The following MLLT1 variants were observed in gnomAD, a reference collection of about 807,000 sequenced individuals.
MLLT1 encodes the protein protein ENL.
Under a neutral mutation model 55.1 loss-of-function variants are expected in MLLT1, and 11 were observed. That is an observed-to-expected ratio of 0.20 (90% CI 0.13 to 0.33). MLLT1 has a LOEUF of 0.33. Ranked by LOEUF, MLLT1 falls within the 10% of genes least tolerant of loss-of-function variation. The pLI is 1.00. For missense variants in MLLT1, 536 were observed against 760.6 expected (o/e 0.70, Z 3.47); for synonymous variants, 323 against 320.1 (o/e 1.01, Z -0.10).
intron 2 of MLLT1, among the ~76,000 whole-genome samples, chr19:6,264,055 A>C (rs1211054309): frequency 6.6e-6 from 1 of 152,204 alleles, no homozygotes; most frequent in Non-Finnish European, 1.5e-5. Flanking sequence ...TCATGGCCGC[A>C]CAACTATGTG....
chr19:6,235,118 G>A lies in MLLT1; in HGVS notation c.277-4405C>T, dbSNP rs375351612. On this transcript the variant is annotated intron_variant, in intron 3 of 11. Coordinates refer to ENST00000252674, the MANE Select transcript of MLLT1 (RefSeq NM_005934.4). This position sits in a 1 kb window ranked among gnomAD's most constrained non-coding sequence, Gnocchi z 5.5. ...GCTCCAGAATGACCAGGAGGGCAGC[G>A]CAGGCTGGAACGGGCTTGGCTGTGC... is the stretch of plus-strand genomic sequence containing the variant. Among the ~76,000 whole-genome samples, 38 of 152,344 alleles carry A rather than the reference G, an allele frequency of 2.5e-4. No homozygotes were observed. In the South Asian group the frequency reaches 7.2e-3, roughly 29 times the overall value.
chr19:6,216,822 C>G (rs1003525795), intron 7 of MLLT1: 1 of 366,084 alleles, frequency 2.7e-6, no homozygotes, highest in African/African-American at 2.1e-5. Context: ...AGGAGAACCC[C>G]TCCTCTGCTC....
chr19:6,278,653 T>C (rs554513866), intron 1 of MLLT1, among the ~76,000 whole-genome samples: 35 of 152,228 alleles, frequency 2.3e-4, no homozygotes, highest in Non-Finnish European at 3.8e-4. Context: ...GAGGGAGATC[T>C]GGACTGGGGT....
At chr19:6,217,020 T>TCCAGTCCCCTACAGA (rs2090851536) in intron 7 of MLLT1, 1 of 157,612 alleles carries the variant, frequency 6.3e-6, no homozygotes, top group Non-Finnish European at 1.4e-5. Context: ...GGCACACGGT[T>TCCAGTCCCCTACAGA]CCAGTCCCCT....
intron 3 of MLLT1, among the ~76,000 whole-genome samples, chr19:6,238,911 C>T (rs887840530): frequency 1.1e-4 from 16 of 152,276 alleles, no homozygotes. Context: ...AACTAGGCAG[C>T]GAGCCCTGTG....
Position 6,222,249 on chromosome 19 carries a change from T to C in MLLT1, c.982A>G (p.Lys328Glu). 6.2e-7 allele frequency: 1 copy of C among 1,612,994 alleles called. No homozygotes were observed. The highest frequency in any genetic ancestry group is 8.5e-7 in the Non-Finnish European group (1 of 1,179,664). The change falls in exon 6 of 12, where the codon AAG (lysine) becomes GAG (glutamate). Residue 328 changes from lysine to glutamate, a missense_variant. This residue lies in a region of MLLT1 where 449 missense variants were observed against 489.0 expected (regional missense o/e 0.92). Transcript: ENST00000252674. This position sits in a 1 kb window ranked among gnomAD's most constrained non-coding sequence, Gnocchi z 4.1. ...TSSSSSFSDK[K>E]PAKDKSSTRG... is the part of the protein sequence containing the mutation. Reference sequence around the variant, plus strand: ...GTGCTGCTCTTGTCCTTGGCCGGCTTCTTGTCCGAGAAGGAGGAGGAGGAG... The same window carrying C: ...GTGCTGCTCTTGTCCTTGGCCGGCTCCTTGTCCGAGAAGGAGGAGGAGGAG...
intron 3 of MLLT1, among the ~76,000 whole-genome samples, chr19:6,260,316 C>G (rs2091293454): frequency 6.6e-6 from 1 of 152,190 alleles, no homozygotes; most frequent in Non-Finnish European, 1.5e-5. Flanking sequence ...CAGAAACAGC[C>G]CTGGAGTCTG....
At chr19:6,233,637 G>T (rs561836958) in intron 3 of MLLT1, among the ~76,000 whole-genome samples, 1 of 152,178 alleles carries the variant, frequency 6.6e-6, no homozygotes, top group African/African-American at 2.4e-5. Context: ...CTGCCAAAAC[G>T]CGAGAGGTGG....
chr19:6,212,257 C>G lies in MLLT1; in HGVS notation c.*785G>C, dbSNP rs1278160880. ...GCCCTTTGTAGTGTTGGCTGACCCC[C>G]CCGGGAGCCCCGGTAGGAGGCGGCG... On this transcript the variant is annotated 3_prime_UTR_variant, in exon 12 of 12. Coordinates refer to ENST00000252674, the MANE Select transcript of MLLT1 (RefSeq NM_005934.4). 9 of 1,064,954 alleles carry G rather than the reference C, an allele frequency of 8.5e-6. No homozygotes were observed. In the African/African-American group the frequency reaches 1.2e-4, roughly 14 times the overall value. 66.0% of individuals were successfully genotyped at this position (1,064,954 alleles called of 1,614,324 possible).
chr19:6,272,254 GCA>G (rs1360668077), intron 1 of MLLT1, among the ~76,000 whole-genome samples: 1 of 152,166 alleles, frequency 6.6e-6, no homozygotes, highest in Non-Finnish European at 1.5e-5. Context: ...GCGCACACGT[GCA>G]CACACAGACA....
At position 6,230,039 on chromosome 19, in the gene MLLT1, C is replaced by T. The variant is rs993049525; in HGVS notation, c.420+531G>A. ...TCCTCCATAACCACCACCAGCCCTG[C>T]GCCCACCCTGTTGCCAAGAGCCCTC... is the stretch of plus-strand genomic sequence containing the variant. On this transcript the variant is annotated intron_variant, in intron 4 of 11. Coordinates refer to ENST00000252674, the MANE Select transcript of MLLT1 (RefSeq NM_005934.4). This position sits in a 1 kb window ranked among gnomAD's most constrained non-coding sequence, Gnocchi z 9.0. Among the ~76,000 whole-genome samples the T allele has an allele frequency of 2.6e-5, 4 of 152,076 alleles. No homozygotes were observed. Among genetic ancestry groups the T allele is most frequent in the South Asian group, 2.1e-4 (1 of 4,820 alleles).
Position 6,226,972 on chromosome 19 carries a change from C to A in MLLT1, c.546+5G>T. 6.3e-7 allele frequency: 1 copy of A among 1,591,678 alleles called. No homozygotes were observed. On this transcript the variant is annotated splice_donor_5th_base_variant and intron_variant, in intron 5 of 11. Transcript: ENST00000252674. This position sits in a 1 kb window ranked among gnomAD's most constrained non-coding sequence, Gnocchi z 6.3. ...CCACGCGACTGGGCCTTCCGCCTCA[C>A]TAACCTTGGAGCCGTGGGATGGTTT... is the stretch of plus-strand genomic sequence containing the variant.
chr19:6,230,119 T>C lies in MLLT1; in HGVS notation c.420+451A>G, dbSNP rs2090994763. 6.6e-6 allele frequency among the ~76,000 whole-genome samples: 1 copy of C among 152,100 alleles called. No individual in the cohort carries two copies. The highest frequency in any genetic ancestry group is 1.9e-4 in the East Asian group (1 of 5,190). On this transcript the variant is annotated intron_variant, in intron 4 of 11. Coordinates refer to ENST00000252674, the MANE Select transcript of MLLT1 (RefSeq NM_005934.4). This position sits in a 1 kb window ranked among gnomAD's most constrained non-coding sequence, Gnocchi z 9.0. ...GGAGGGCTCGACTCCAGCCACCGCA[T>C]GGGGGTCCCGGCCACACGACTCCTG...
rs2090770529 is a variant in MLLT1, at chr19:6,211,476, G to C, written c.*1566C>G. The C allele has an allele frequency of 4.5e-6, 2 of 446,870 alleles. No homozygotes were observed. The highest frequency in any genetic ancestry group is 2.0e-5 in the African/African-American group (1 of 49,200). 27.7% of individuals were successfully genotyped at this position (446,870 alleles called of 1,614,324 possible). On this transcript the variant is annotated 3_prime_UTR_variant, in exon 12 of 12. Transcript: ENST00000252674. This position sits in a 1 kb window ranked among gnomAD's most constrained non-coding sequence, Gnocchi z 4.6. ...AAGGAGTGTTCAGGATCTGCTGACAGAATCAGAGCAGGGACAAGATGAGGG... is the reference window on the plus strand; with the variant it reads ...AAGGAGTGTTCAGGATCTGCTGACACAATCAGAGCAGGGACAAGATGAGGG...
At position 6,235,369 on chromosome 19, in the gene MLLT1, C is replaced by A. The variant is rs899495912; in HGVS notation, c.277-4656G>T. On this transcript the variant is annotated intron_variant, in intron 3 of 11. Coordinates refer to ENST00000252674, the MANE Select transcript of MLLT1 (RefSeq NM_005934.4). The surrounding 1 kb of genome is among the most constrained non-coding windows in gnomAD (Gnocchi z 5.5). Reference sequence around the variant, plus strand: ...TCCTAGGCCTCAGGTTCCTCACGGGCAGCATGGGGGGATTCGCTGCAATGC... The same window carrying A: ...TCCTAGGCCTCAGGTTCCTCACGGGAAGCATGGGGGGATTCGCTGCAATGC... Among the ~76,000 whole-genome samples, 9 of 152,202 alleles carry A rather than the reference C, an allele frequency of 5.9e-5. No individual in the cohort carries two copies. The highest frequency in any genetic ancestry group is 2.2e-4 in the African/African-American group (9 of 41,452).
At chr19:6,218,491 C>G (rs114300350) in intron 6 of MLLT1, among the ~76,000 whole-genome samples, 2,678 of 152,370 alleles carry the variant, frequency 0.018, 93 homozygotes, top group African/African-American at 0.062. Flanking sequence ...TGACCCAGTG[C>G]TGTCCGGGGC....
chr19:6,279,659 C>G (rs1239706486), intron 1 of MLLT1, 114 bp downstream of exon 1: 1 of 144,204 alleles, frequency 6.9e-6, no homozygotes, highest in Non-Finnish European at 1.5e-5. Context: ...CGGGCGCGCA[C>G]AAAGCGGGCG....
Position 6,211,023 on chromosome 19 carries a change from A to T in MLLT1, c.*2019T>A, listed in dbSNP as rs1046753081. The T allele has an allele frequency of 2.6e-5, 6 of 228,988 alleles. No homozygotes were observed. Among genetic ancestry groups the T allele is most frequent in the African/African-American group, 1.4e-4 (6 of 44,156 alleles). 14.2% of individuals were successfully genotyped at this position (228,988 alleles called of 1,614,324 possible). A position where few individuals can be genotyped will look rare whatever the true frequency, so the allele number is the denominator to read the frequency against. Reference sequence around the variant, plus strand: ...GGGGAGCCCGACCCTCCTCTGGCTGAGTGGAAGGCTGCTCGAGTCGCTGTG... The same window carrying T: ...GGGGAGCCCGACCCTCCTCTGGCTGTGTGGAAGGCTGCTCGAGTCGCTGTG... On this transcript the variant is annotated 3_prime_UTR_variant, in exon 12 of 12. Coordinates refer to ENST00000252674, the MANE Select transcript of MLLT1 (RefSeq NM_005934.4). The surrounding 1 kb of genome is among the most constrained non-coding windows in gnomAD (Gnocchi z 4.6).
At chr19:6,224,816 G>A (rs12980282) in intron 5 of MLLT1, among the ~76,000 whole-genome samples, 53,393 of 151,984 alleles carry the variant, frequency 0.35, 12,250 homozygotes, top group African/African-American at 0.66. Flanking sequence ...TGCAAGCTCC[G>A]CCTCCCGGGT....
Sources: allele counts gnomAD v4.1 joint callset (sites outside exome capture counted in the v4.1 genomes callset), GRCh38; gene constraint gnomAD v4.1.1; regional missense constraint gnomAD v4.1.1; non-coding constraint Gnocchi (gnomAD v3.1); transcripts MANE v1.5; gene names NCBI Gene and HGNC (gene_info 2026-07-23, HGNC 2026-07-21).